Variants in OR1J2 observed in about 807,000 individuals in gnomAD.
OR1J2 encodes olfactory receptor 1J2.
For missense variants in OR1J2, 304 were observed against 246.1 expected, an observed-to-expected ratio of 1.24 and a Z score of -1.57; for synonymous variants, 142 against 99.7, an observed-to-expected ratio of 1.42 and a Z score of -2.52.
At chr9:122,509,874 T>C (rs1429369820), upstream of OR1J2, among the ~76,000 whole-genome samples, 3 of 152,052 alleles carry the variant, frequency 2.0e-5, no homozygotes, top group Admixed American at 2.0e-4. Context: ...ATTGATACAA[T>C]CCCTAATTTC....
At chr9:122,455,815 A>C in the OR1J2 span, among the ~76,000 whole-genome samples, 1 of 151,994 alleles carries the variant, frequency 6.6e-6, no homozygotes, top group African/African-American at 2.4e-5. Flanking sequence ...TTTTTGTAAA[A>C]ATTTTATACT....
chr9:122,449,590 C>T, the OR1J2 span, among the ~76,000 whole-genome samples: 6 of 152,092 alleles, frequency 3.9e-5, no homozygotes, highest in Non-Finnish European at 7.4e-5. Context: ...AGGATGGTCT[C>T]GATCTCCTGA....
the OR1J2 span, among the ~76,000 whole-genome samples, chr9:122,473,688 G>A: frequency 1.4e-5 from 2 of 139,306 alleles, no homozygotes; most frequent in African/African-American, 5.8e-5. Flanking sequence ...AACTGGTCAC[G>A]GGACTGTCAT....
chr9:122,532,570 A>C, the OR1J2 span, among the ~76,000 whole-genome samples: 3 of 145,900 alleles, frequency 2.1e-5, no homozygotes, highest in Non-Finnish European at 3.0e-5. Context: ...CTCAACAAAG[A>C]GTGAATACAG....
At chr9:122,521,308 A>G in the OR1J2 span, among the ~76,000 whole-genome samples, 7 of 152,228 alleles carry the variant, frequency 4.6e-5, no homozygotes, top group Non-Finnish European at 1.0e-4. Context: ...CATGTTGGTT[A>G]TATTCCCAAT....
the OR1J2 span, among the ~76,000 whole-genome samples, chr9:122,549,372 T>G: frequency 6.6e-6 from 1 of 152,138 alleles, no homozygotes; most frequent in Non-Finnish European, 1.5e-5. Flanking sequence ...ATGGGCCAAA[T>G]AAACCTCTTT....
chr9:122,462,544 C>G, the OR1J2 span, among the ~76,000 whole-genome samples: 1 of 152,076 alleles, frequency 6.6e-6, no homozygotes, highest in African/African-American at 2.4e-5. Flanking sequence ...TAAGGAGATT[C>G]TATTCTGGTG....
At position 122,510,888 on chromosome 9, in the gene OR1J2, CCT is replaced by C. The variant is rs1463503857; in HGVS notation, c.88_89del (p.Leu30ValfsTer40). On this transcript the variant is annotated frameshift_variant, in exon 1 of 1. Coordinates refer to ENST00000335302, the MANE Select transcript of OR1J2 (RefSeq NM_054107.1). LOFTEE classifies it low-confidence loss of function (END_TRUNC). Reference sequence around the variant, plus strand: ...CAGAGCAGCAGGCTGTGTTCTTCACCCTGTTCCTGGGCATGTACCTGACCACG... The same window carrying C: ...CAGAGCAGCAGGCTGTGTTCTTCACCGTTCCTGGGCATGTACCTGACCACG... ...RPEQQAVFFT[L>X]FLGMYLTTVL... The C allele has an allele frequency of 6.2e-7, 1 of 1,611,534 alleles. No homozygotes were observed. The highest frequency in any genetic ancestry group is 8.5e-7 in the Non-Finnish European group (1 of 1,177,756).
At chr9:122,553,349 G>T in the OR1J2 span, 1 of 1,613,916 alleles carries the variant, frequency 6.2e-7, no homozygotes, top group African/African-American at 1.3e-5. Flanking sequence ...TGGGGAACCT[G>T]CTCATTATCC....
the OR1J2 span, among the ~76,000 whole-genome samples, chr9:122,558,000 T>C: frequency 6.6e-6 from 1 of 152,008 alleles, no homozygotes; most frequent in African/African-American, 2.4e-5. Context: ...GGCACAGATT[T>C]GTTCATGGTA....
the OR1J2 span, among the ~76,000 whole-genome samples, chr9:122,482,075 A>C: frequency 6.6e-6 from 1 of 152,176 alleles, no homozygotes; most frequent in Non-Finnish European, 1.5e-5. Flanking sequence ...GTGAAAAGAC[A>C]ACCTACAGAA....
At chr9:122,498,167 A>G in the OR1J2 span, among the ~76,000 whole-genome samples, 2 of 151,910 alleles carry the variant, frequency 1.3e-5, no homozygotes, top group South Asian at 2.1e-4. Context: ...TGGTTGATGT[A>G]TACCTCTCTA....
chr9:122,530,809 C>G, the OR1J2 span, among the ~76,000 whole-genome samples: 2 of 152,070 alleles, frequency 1.3e-5, no homozygotes, highest in Admixed American at 1.3e-4. Context: ...CCACAAGGTG[C>G]TCAATAGGGG....
the OR1J2 span, among the ~76,000 whole-genome samples, chr9:122,498,484 T>G: frequency 6.6e-6 from 1 of 152,210 alleles, no homozygotes; most frequent in South Asian, 2.1e-4. Context: ...CTCCAGAAAC[T>G]CCGACTGATT....
chr9:122,458,719 C>T, the OR1J2 span, among the ~76,000 whole-genome samples: 1 of 152,248 alleles, frequency 6.6e-6, no homozygotes, highest in South Asian at 2.1e-4. Context: ...ATGGGAGCTA[C>T]AATTCAAAAT....
the OR1J2 span, among the ~76,000 whole-genome samples, chr9:122,459,331 A>G: frequency 6.6e-6 from 1 of 152,206 alleles, no homozygotes; most frequent in Non-Finnish European, 1.5e-5. Context: ...GCTAGATCAT[A>G]TGACATTTCA....
At chr9:122,476,880 G>C in the OR1J2 span, 1 of 647,998 alleles carries the variant, frequency 1.5e-6, no homozygotes. Context: ...TAATTTTTTT[G>C]TATTTTTAGT....
the OR1J2 span, among the ~76,000 whole-genome samples, chr9:122,525,619 C>T: frequency 2.6e-5 from 4 of 152,132 alleles, no homozygotes; most frequent in African/African-American, 9.7e-5. Context: ...AGGATTTCCA[C>T]GTTCCTCTCA....
At chr9:122,464,751 T>A in the OR1J2 span, among the ~76,000 whole-genome samples, 1 of 152,228 alleles carries the variant, frequency 6.6e-6, no homozygotes. Flanking sequence ...TCTGCCCAGG[T>A]AAATCATCTC....
Sources: allele counts gnomAD v4.1 joint callset (sites outside exome capture counted in the v4.1 genomes callset), GRCh38; gene constraint gnomAD v4.1.1; transcripts MANE v1.5; gene names NCBI Gene and HGNC (gene_info 2026-07-23, HGNC 2026-07-21).